Variants in CTNND2 observed in about 807,000 individuals in gnomAD.
The protein encoded by CTNND2 is catenin delta 2, also known as catenin delta-2.
In CTNND2, 22 loss-of-function variants were observed where a neutral mutation model predicts 144.4. That is an observed-to-expected ratio of 0.15 (90% CI 0.11 to 0.22). The LOEUF (loss-of-function observed/expected upper bound fraction) is 0.22. CTNND2 is among the 10% of genes least tolerant of loss of function. The pLI is 1.00. For missense variants in CTNND2, 1,353 were observed against 1,618.8 expected (o/e 0.84, Z 2.82); for synonymous variants, 751 against 695.6 (o/e 1.08, Z -1.25).
At chr5:11,544,826 A>G (rs2150074587) in intron 3 of CTNND2, among the ~76,000 whole-genome samples, 1 of 152,304 alleles carries the variant, frequency 6.6e-6, no homozygotes, top group Non-Finnish European at 1.5e-5. Flanking sequence ...TCCACTAAAA[A>G]TACAAAAATT....
At chr5:11,118,732 A>G (rs1182116998) in intron 12 of CTNND2, among the ~76,000 whole-genome samples, 1 of 152,208 alleles carries the variant, frequency 6.6e-6, no homozygotes, top group Non-Finnish European at 1.5e-5. Flanking sequence ...GTTGAATGAA[A>G]TGAATCTCCA....
chr5:11,507,556 C>A (rs1357097593), intron 3 of CTNND2, among the ~76,000 whole-genome samples: 1 of 152,156 alleles, frequency 6.6e-6, no homozygotes, highest in African/African-American at 2.4e-5. Flanking sequence ...GGTGCCCCCA[C>A]CATCAGGCTG....
intron 3 of CTNND2, among the ~76,000 whole-genome samples, chr5:11,430,693 G>A (rs752096042): frequency 6.6e-6 from 1 of 152,088 alleles, no homozygotes; most frequent in Non-Finnish European, 1.5e-5. Context: ...ACTCATACAC[G>A]TGTATACACA....
In CTNND2 at chr5:11,143,536, G is replaced by A. The variant is rs528567796; in HGVS notation, c.2159+16040C>T. On this transcript the variant is annotated intron_variant, in intron 12 of 21. Coordinates refer to ENST00000304623, the MANE Select transcript of CTNND2 (RefSeq NM_001332.4). ...GTGGATGTTCTCCCTGGGAGTGTGTGTCTTTGTGTCCAAATTTCCCATTTT... is the reference window on the plus strand; with the variant it reads ...GTGGATGTTCTCCCTGGGAGTGTGTATCTTTGTGTCCAAATTTCCCATTTT... 9.2e-5 allele frequency among the ~76,000 whole-genome samples: 14 copies of A among 152,282 alleles called. No individual in the cohort carries two copies. The South Asian group carries it at 2.7e-3, about 29-fold the overall frequency.
intron 2 of CTNND2, among the ~76,000 whole-genome samples, chr5:11,718,228 A>C (rs1270974722): frequency 1.3e-5 from 2 of 152,210 alleles, no homozygotes; most frequent in African/African-American, 4.8e-5. Context: ...AAAGGGGCAC[A>C]AGGACACTTT....
At chr5:11,397,275 A>C (rs1405902112) in intron 5 of CTNND2, 72 bp from the exon 6 acceptor site, 1 of 1,324,894 alleles carries the variant, frequency 7.5e-7, no homozygotes, top group Non-Finnish European at 1.0e-6. Flanking sequence ...TTATTTATTG[A>C]GAGTAGCCTA....
intron 11 of CTNND2, among the ~76,000 whole-genome samples, chr5:11,172,329 T>G (rs1760016400): frequency 6.6e-6 from 1 of 152,218 alleles, no homozygotes; most frequent in Non-Finnish European, 1.5e-5. Context: ...AAGTTATGAC[T>G]ATGGGAAAGT....
chr5:11,565,115 A>T, intron 2 of CTNND2, 59 bp from the exon 3 acceptor site: 1 of 1,175,590 alleles, frequency 8.5e-7, no homozygotes, highest in East Asian at 2.4e-5. Flanking sequence ...TGAAATTCAG[A>T]CCAAAATAAT....
chr5:11,738,412 G>C (rs2126757762), intron 1 of CTNND2, among the ~76,000 whole-genome samples: 1 of 152,290 alleles, frequency 6.6e-6, no homozygotes, highest in African/African-American at 2.4e-5. Flanking sequence ...AAGATGTTAT[G>C]ATGTCCAAAT....
chr5:11,642,057 G>A (rs1002244892), intron 2 of CTNND2, among the ~76,000 whole-genome samples: 1 of 151,946 alleles, frequency 6.6e-6, no homozygotes, highest in Non-Finnish European at 1.5e-5. Context: ...GAGCTTGGCA[G>A]GTAAAAATAG....
chr5:11,078,173 G>A lies in CTNND2; in HGVS notation c.2788+4523C>T, dbSNP rs562269542. Among the ~76,000 whole-genome samples the A allele has an allele frequency of 3.9e-5, 6 of 152,248 alleles. No individual in the cohort carries two copies. In the South Asian group the frequency reaches 1.0e-3, roughly 26 times the overall value. ...TCTGTGAGAGGTGATGGAGAGGAGA[G>A]GAGGTCCAAGATTAACCTTTCATTG... On this transcript the variant is annotated intron_variant, in intron 16 of 21. Coordinates refer to ENST00000304623, the MANE Select transcript of CTNND2 (RefSeq NM_001332.4).
chr5:11,507,690 G>A (rs1302085088), intron 3 of CTNND2, among the ~76,000 whole-genome samples: 1 of 152,148 alleles, frequency 6.6e-6, no homozygotes, highest in African/African-American at 2.4e-5. Flanking sequence ...TCTGTGCTGT[G>A]GGAAACCAGA....
chr5:11,725,110 G>A (rs912618855), intron 2 of CTNND2, among the ~76,000 whole-genome samples: 1 of 152,178 alleles, frequency 6.6e-6, no homozygotes. Flanking sequence ...GAACTTGCAC[G>A]TGCGTTTTAT....
chr5:11,503,943 T>G (rs1378789264), intron 3 of CTNND2, among the ~76,000 whole-genome samples: 1 of 152,222 alleles, frequency 6.6e-6, no homozygotes, highest in Non-Finnish European at 1.5e-5. Context: ...GGACAACACA[T>G]AAATCATTTA....
chr5:11,271,833 A>G (rs569213683), intron 9 of CTNND2, among the ~76,000 whole-genome samples: 1 of 152,262 alleles, frequency 6.6e-6, no homozygotes, highest in South Asian at 2.1e-4. Flanking sequence ...GGAAGGTTTC[A>G]TTCTAAGATA....
chr5:11,378,815 T>C lies in CTNND2; in HGVS notation c.1177+5850A>G, dbSNP rs188779896. Reference sequence around the variant, plus strand: ...TTTTCTTTCTCATATAAAGTGTACCTGGAAGCCTTAATCAGTCAGGGAATG... The same window carrying C: ...TTTTCTTTCTCATATAAAGTGTACCCGGAAGCCTTAATCAGTCAGGGAATG... On this transcript the variant is annotated intron_variant, in intron 7 of 21. Coordinates refer to ENST00000304623, the MANE Select transcript of CTNND2 (RefSeq NM_001332.4). Among the ~76,000 whole-genome samples the C allele has an allele frequency of 2.3e-3, 354 of 152,298 alleles. 5 individuals carry two copies. Among genetic ancestry groups the C allele is most frequent in the Non-Finnish European group, 4.1e-4 (28 of 68,034 alleles).
At chr5:11,171,500 T>C (rs909361853) in intron 11 of CTNND2, among the ~76,000 whole-genome samples, 8 of 152,234 alleles carry the variant, frequency 5.3e-5, no homozygotes, top group Admixed American at 2.0e-4. Flanking sequence ...CATTTATTAC[T>C]GCATATTTTC....
chr5:11,247,055 T>C (rs964509506), intron 9 of CTNND2, among the ~76,000 whole-genome samples: 4 of 152,204 alleles, frequency 2.6e-5, no homozygotes, highest in Non-Finnish European at 5.9e-5. Flanking sequence ...GGTGGCTGCC[T>C]GGATGTGTGC....
chr5:11,139,147 G>A (rs1230345600), intron 12 of CTNND2, among the ~76,000 whole-genome samples: 1 of 152,108 alleles, frequency 6.6e-6, no homozygotes, highest in East Asian at 1.9e-4. Context: ...TTTTACTAGA[G>A]ACAGTGTTTT....
Sources: gnomAD v4.1 joint callset for allele counts (sites outside exome capture counted in the v4.1 genomes callset) on GRCh38, gnomAD v4.1.1 for gene constraint, MANE v1.5 for transcripts, NCBI Gene and HGNC (gene_info 2026-07-23, HGNC 2026-07-21) for gene names.